Variants in ZNF799 observed in about 807,000 individuals in gnomAD.
ZNF799 encodes the protein zinc finger protein 14.
A neutral mutation model predicts 41.0 loss-of-function variants in ZNF799; 28 were observed. The ratio of observed to expected loss-of-function variants is 0.68; its 90% CI spans 0.51 to 0.94. The LOEUF (loss-of-function observed/expected upper bound fraction) is 0.94, where lower values mean the gene tolerates loss of function less well. Among genes scored for constraint, ZNF799 ranks in the 40% least tolerant of loss-of-function variants. The pLI is 0.00. For missense variants in ZNF799, 716 were observed against 764.3 expected, an observed-to-expected ratio of 0.94 and a Z score of 0.74; for synonymous variants, 213 against 252.9, an observed-to-expected ratio of 0.84 and a Z score of 1.50.
chr19:12,400,850 C>G (rs774018989), intron 1 of ZNF799: 1 of 745,342 alleles, frequency 1.3e-6, no homozygotes, highest in Non-Finnish European at 2.1e-6. Flanking sequence ...GAGAGGGCGC[C>G]GGGGCCGCAG....
At chr19:12,411,300 T>C in the ZNF799 span, among the ~76,000 whole-genome samples, 7 of 152,234 alleles carry the variant, frequency 4.6e-5, no homozygotes, top group Admixed American at 2.0e-4. Context: ...CATCAAGGCT[T>C]TGAAGTCTAT....
upstream of ZNF799, among the ~76,000 whole-genome samples, chr19:12,405,498 CCTGA>C (rs1319294466): frequency 6.6e-6 from 1 of 152,172 alleles, no homozygotes; most frequent in Admixed American, 6.5e-5. Context: ...TTTTAAACAG[CCTGA>C]CTGTGTTTTC....
At chr19:12,394,448 A>T (rs998000303) in intron 1 of ZNF799, 1 of 390,242 alleles carries the variant, frequency 2.6e-6, no homozygotes, top group Non-Finnish European at 3.5e-6. Flanking sequence ...TCTATAATGA[A>T]CTTTCTGGGT....
rs1196273450 is a variant in ZNF799 at position 12,390,966 on chromosome 19, A to G, written c.1432T>C (p.Cys478Arg). The stretch of plus-strand genomic sequence containing the variant: ...CTGAATGCTTTCCCACATTCCTTAC[A>G]CTCATATGGCTTCTCTCCAGCATGA... ...TTHAGEKPYE[C>R]KECGKAFSCF... Residue 478 changes from cysteine (C) to arginine (R), a missense_variant, in exon 4 of 4, where the codon TGT (cysteine) becomes CGT (arginine). By Grantham distance (180) the Cys-to-Arg change is radical. Coordinates refer to ENST00000430385, the MANE Select transcript of ZNF799 (RefSeq NM_001080821.3). The G allele has an allele frequency of 1.2e-6, 2 of 1,614,012 alleles. No homozygotes were observed. Among genetic ancestry groups the G allele is most frequent in the African/African-American group, 1.3e-5 (1 of 74,916 alleles).
intron 1 of ZNF799, chr19:12,394,714 C>G (rs1969870302): frequency 2.0e-6 from 2 of 985,188 alleles, no homozygotes; most frequent in South Asian, 4.7e-5. Flanking sequence ...AGTGTCATCT[C>G]TCATGAATAT....
At position 12,391,744 on chromosome 19, in the gene ZNF799, C is replaced by T. The variant is rs1238520227; in HGVS notation, c.654G>A (p.Thr218=). Residue 218 remains threonine (T), a synonymous_variant, in exon 4 of 4, where the codon ACG becomes ACA. Coordinates refer to ENST00000430385, the MANE Select transcript of ZNF799 (RefSeq NM_001080821.3). ...WPSLLHMHER[T]HTGEKPYECK... Reference sequence around the variant, plus strand: ...ATTCATATGGTTTCTCTCCAGTGTGCGTTCTCTCATGCATATGTAATAAAC... The same window carrying T: ...ATTCATATGGTTTCTCTCCAGTGTGTGTTCTCTCATGCATATGTAATAAAC... 1.1e-5 allele frequency: 17 copies of T among 1,613,850 alleles called. No individual in the cohort carries two copies. Among genetic ancestry groups the T allele is most frequent in the South Asian group, 3.3e-5 (3 of 91,074 alleles).
At position 12,391,829 on chromosome 19, in the gene ZNF799, A is replaced by T; in HGVS notation, c.569T>A (p.Val190Glu). ...SLGNLQRHMA[V>E]QRGDGPYKCK... ...TTTATAAGGTCCATCTCCACGCTGC[A>T]CTGCCATGTGTCTTTGAAGGTTTCC... The change falls in exon 4 of 4, where the codon GTG becomes GAG. Residue 190 changes from valine (V) to glutamate (E), a missense_variant. Coordinates refer to ENST00000430385, the MANE Select transcript of ZNF799 (RefSeq NM_001080821.3). 6.2e-7 allele frequency: 1 copy of T among 1,614,202 alleles called. No homozygotes were observed. Among genetic ancestry groups the T allele is most frequent in the South Asian group, 1.1e-5 (1 of 91,080 alleles).
upstream of ZNF799, among the ~76,000 whole-genome samples, chr19:12,404,273 A>G (rs957695640): frequency 2.6e-5 from 4 of 152,160 alleles, no homozygotes; most frequent in African/African-American, 7.2e-5. Context: ...CATTTGATCT[A>G]TAGTGTAGAT....
chr19:12,405,117 T>C (rs1306410688), upstream of ZNF799, among the ~76,000 whole-genome samples: 2 of 152,166 alleles, frequency 1.3e-5, no homozygotes, highest in Non-Finnish European at 2.9e-5. Context: ...CTCCAAGTTC[T>C]TCAGTTTTGG....
In ZNF799 at chr19:12,391,609, A is replaced by G; in HGVS notation, c.789T>C (p.Pro263=). Reference sequence around the variant, plus strand: ...CATGTCTTAGACAAGAACTGTAATCAGGGAAGGCTTTAGAACACTGTTTAC... The same window carrying G: ...CATGTCTTAGACAAGAACTGTAATCGGGGAAGGCTTTAGAACACTGTTTAC... The part of the protein sequence containing the change: ...YECKQCSKAF[P]DYSSCLRHER... Residue 263 remains proline (P), a synonymous_variant, in exon 4 of 4, where the codon CCT becomes CCC. Transcript: ENST00000430385. 6.2e-7 allele frequency: 1 copy of G among 1,613,690 alleles called. No homozygotes were observed. The highest frequency in any genetic ancestry group is 8.5e-7 in the Non-Finnish European group (1 of 1,179,620).
chr19:12,413,096 T>A, the ZNF799 span, among the ~76,000 whole-genome samples: 1 of 143,752 alleles, frequency 7.0e-6, no homozygotes, highest in Admixed American at 7.0e-5. Flanking sequence ...CCTCAAATCA[T>A]ATTGTGAGTT....
the ZNF799 span, among the ~76,000 whole-genome samples, chr19:12,407,928 G>A: frequency 6.6e-6 from 1 of 152,174 alleles, no homozygotes; most frequent in Non-Finnish European, 1.5e-5. Flanking sequence ...AGGCCAAGGT[G>A]GGAGGATTAC....
At chr19:12,405,720 C>A (rs1399726718), upstream of ZNF799, among the ~76,000 whole-genome samples, 1 of 152,150 alleles carries the variant, frequency 6.6e-6, no homozygotes, top group African/African-American at 2.4e-5. Flanking sequence ...AAACAAATTA[C>A]AGCCTTCAAC....
the ZNF799 span, among the ~76,000 whole-genome samples, chr19:12,414,082 C>G: frequency 2.3e-4 from 35 of 152,186 alleles, no homozygotes; most frequent in Non-Finnish European, 1.3e-4. Flanking sequence ...AGCTGGGAAC[C>G]AAGCGCAAGG....
At chr19:12,392,305 A>C in intron 3 of ZNF799, 99 bp from the exon 4 acceptor site, 10 of 1,500,252 alleles carry the variant, frequency 6.7e-6, no homozygotes, top group Non-Finnish European at 8.9e-6. Context: ...TATCATGCAA[A>C]GTGCAGGCTT....
intron 1 of ZNF799, among the ~76,000 whole-genome samples, chr19:12,396,685 T>C (rs952940882): frequency 4.0e-5 from 6 of 151,872 alleles, no homozygotes; most frequent in Admixed American, 3.9e-4. Flanking sequence ...CATATAGAAT[T>C]TATGCAGCTG....
Position 12,391,579 on chromosome 19 carries a change from T to A in ZNF799, c.819A>T (p.Arg273Ser). The change falls in exon 4 of 4, where the codon AGA becomes AGT. Residue 273 changes from arginine to serine, a missense_variant. Coordinates refer to ENST00000430385, the MANE Select transcript of ZNF799 (RefSeq NM_001080821.3). ...PDYSSCLRHE[R>S]THTGKKPYTC... ...TATAGGGTTTCTTTCCAGTGTGAGT[T>A]CTTTCATGTCTTAGACAAGAACTGT... is the stretch of plus-strand genomic sequence containing the variant. 3.7e-6 allele frequency: 6 copies of A among 1,614,064 alleles called. No individual in the cohort carries two copies. The highest frequency in any genetic ancestry group is 5.1e-6 in the Non-Finnish European group (6 of 1,179,982).
At chr19:12,402,418 T>TTTC (rs1555762782), upstream of ZNF799, among the ~76,000 whole-genome samples, 21 of 147,486 alleles carry the variant, frequency 1.4e-4, no homozygotes, top group Admixed American at 6.1e-4. Context: ...CTTTATTTCT[T>TTTC]TTTTTTTTTT....
chr19:12,391,131 A>T lies in ZNF799; in HGVS notation c.1267T>A (p.Cys423Ser), dbSNP rs1969807041. 1 of 1,614,174 alleles carries T rather than the reference A, an allele frequency of 6.2e-7. No homozygotes were observed. Among genetic ancestry groups the T allele is most frequent in the Non-Finnish European group, 8.5e-7 (1 of 1,179,998 alleles). ...KTHTAEKPYK[C>S]KQCGKAYRIS... ...CGGTAGGCTTTGCCACATTGTTTAC[A>T]TTTATAGGGTTTCTCTGCAGTGTGA... The change falls in exon 4 of 4, where the codon TGT (cysteine) becomes AGT (serine). Residue 423 changes from cysteine (C) to serine (S), a missense_variant. By Grantham distance (112) the Cys-to-Ser change is moderately radical (BLOSUM62 -1). Around this residue, in one of 2 missense-constraint regions of ZNF799, gnomAD observed 698 missense variants for 713.6 expected, o/e 0.98. Transcript: ENST00000430385.
Sources: gnomAD v4.1 joint callset for allele counts (sites outside exome capture counted in the v4.1 genomes callset) on GRCh38, gnomAD v4.1.1 for gene constraint, gnomAD v4.1.1 regional missense constraint, MANE v1.5 for transcripts, NCBI Gene and HGNC (gene_info 2026-07-23, HGNC 2026-07-21) for gene names.